Variants in WASHC2C observed in about 807,000 individuals in gnomAD.
The protein encoded by WASHC2C is WASH complex subunit 2C.
Under a neutral mutation model 142.2 loss-of-function variants are expected in WASHC2C, and 73 were observed. The ratio of observed to expected loss-of-function variants is 0.51; its 90% CI spans 0.43 to 0.62. The LOEUF is 0.62. WASHC2C is among the 20% of genes least tolerant of loss of function. WASHC2C has a pLI of 0.00. For synonymous variants in WASHC2C, 337 were observed against 565.5 expected (o/e 0.60, Z 5.73); for missense variants, 969 against 1,531.7 (o/e 0.63, Z 6.13).
intron 8 of WASHC2C, among the ~76,000 whole-genome samples, chr10:45,749,230 T>G (rs1253944073): frequency 6.6e-6 from 1 of 151,802 alleles, no homozygotes; most frequent in Non-Finnish European, 1.5e-5. Flanking sequence ...AGGTCAGGAG[T>G]TCGAGACCAG....
chr10:45,743,435 C>T lies in WASHC2C; in HGVS notation c.574C>T (p.Leu192=), dbSNP rs782173150. The change falls in exon 6 of 31, where the codon CTG becomes TTG. Residue 192 remains leucine, a synonymous_variant. Transcript: ENST00000623400. ...TTTACCATATCTCATTGGGTCAAAG[C>T]TGTTCATGGAACAAGAAGATGTAGG... is the stretch of plus-strand genomic sequence containing the variant. ...RPLPYLIGSK[L]FMEQEDVGLG... 2 of 1,611,836 alleles carry T rather than the reference C, an allele frequency of 1.2e-6. No homozygotes were observed. Among genetic ancestry groups the T allele is most frequent in the East Asian group, 2.2e-5 (1 of 44,864 alleles).
At chr10:45,790,567 T>G in intron 30 of WASHC2C, 34 bp downstream of exon 30, 1 of 1,612,004 alleles carries the variant, frequency 6.2e-7, no homozygotes, top group African/African-American at 1.3e-5. Flanking sequence ...ACCTAGAGAA[T>G]TCTTACCTTT....
At chr10:45,743,179 A>G (rs1444190199) in intron 5 of WASHC2C, among the ~76,000 whole-genome samples, 1 of 151,988 alleles carries the variant, frequency 6.6e-6, no homozygotes, top group South Asian at 2.1e-4. Context: ...GCCCGGCCTT[A>G]CCTTGACATC....
At chr10:45,768,880 C>G (rs182336265) in intron 19 of WASHC2C, among the ~76,000 whole-genome samples, 126 of 151,090 alleles carry the variant, frequency 8.3e-4, no homozygotes, top group Non-Finnish European at 1.4e-3. Flanking sequence ...GCTTGTAATA[C>G]AGTGCAGAAC....
chr10:45,730,398 C>T (rs2050414126), intron 3 of WASHC2C, among the ~76,000 whole-genome samples: 2 of 146,628 alleles, frequency 1.4e-5, no homozygotes, highest in Admixed American at 1.4e-4. Flanking sequence ...TGATTGTTTA[C>T]ACAGAATGTC....
intron 23 of WASHC2C, among the ~76,000 whole-genome samples, chr10:45,783,708 G>C (rs1455801536): frequency 1.3e-5 from 2 of 152,200 alleles, no homozygotes; most frequent in African/African-American, 2.4e-5. Context: ...TAATCCACCC[G>C]CCTTGGCCTC....
chr10:45,735,088 A>C (rs2597029), intron 3 of WASHC2C, among the ~76,000 whole-genome samples: 34,768 of 139,310 alleles, frequency 0.25, 4,756 homozygotes, highest in East Asian at 0.55. Context: ...CTGCTGTTTG[A>C]CAGTATCATA....
At chr10:45,734,386 T>TGTGTATTTTC (rs199719556) in intron 3 of WASHC2C, among the ~76,000 whole-genome samples, 2 of 151,954 alleles carry the variant, frequency 1.3e-5, no homozygotes, top group Admixed American at 1.3e-4. Flanking sequence ...TGTGTGTGTG[T>TGTGTATTTTC]ATTTTCATTT....
intron 17 of WASHC2C, among the ~76,000 whole-genome samples, chr10:45,762,987 G>A (rs1413179502): frequency 1.3e-5 from 2 of 151,436 alleles, no homozygotes; most frequent in Admixed American, 1.3e-4. Context: ...CATTAATTTG[G>A]GAATCTAGCC....
At chr10:45,773,858 T>C (rs543818915) in intron 21 of WASHC2C, among the ~76,000 whole-genome samples, 1 of 93,674 alleles carries the variant, frequency 1.1e-5, no homozygotes, top group Non-Finnish European at 2.0e-5. Context: ...AAACCCAGGG[T>C]GGAGCTTATT....
chr10:45,758,491 C>T (rs1417102449), intron 16 of WASHC2C, among the ~76,000 whole-genome samples: 2 of 152,084 alleles, frequency 1.3e-5, no homozygotes, highest in Non-Finnish European at 2.9e-5. Flanking sequence ...TATTAGTTGG[C>T]ATTCTTCTGA....
chr10:45,752,550 T>C lies in WASHC2C; in HGVS notation c.1004-38T>C, dbSNP rs1554875187. The C allele has an allele frequency of 1.3e-5, 21 of 1,561,442 alleles. 2 individuals carry two copies. The highest frequency in any genetic ancestry group is 1.8e-5 in the Non-Finnish European group (21 of 1,136,270). On this transcript the variant is annotated intron_variant, in intron 11 of 30. Transcript: ENST00000623400. The stretch of plus-strand genomic sequence containing the variant: ...GGGAATTTGAGTTCTGGACCCATCT[T>C]TAATACTCCCTGCAAAACATTGCTT...
intron 3 of WASHC2C, among the ~76,000 whole-genome samples, chr10:45,731,998 G>A (rs1176282722): frequency 1.3e-5 from 2 of 151,768 alleles, no homozygotes; most frequent in African/African-American, 4.8e-5. Context: ...GGGTTTCACC[G>A]TGTTAGCCAG....
chr10:45,780,661 A>G (rs2057422596), intron 23 of WASHC2C, among the ~76,000 whole-genome samples: 1 of 152,244 alleles, frequency 6.6e-6, no homozygotes, highest in South Asian at 2.1e-4. Context: ...ATTAAGATTG[A>G]AGGATGTAAG....
intron 10 of WASHC2C, 90 bp downstream of exon 10, chr10:45,750,928 A>G (rs1269010867): frequency 9.8e-5 from 96 of 976,182 alleles, no homozygotes; most frequent in East Asian, 1.6e-4. Context: ...TCTTTTTATT[A>G]GTAATTACTA....
At chr10:45,772,175 A>G (rs1488207001) in intron 20 of WASHC2C, among the ~76,000 whole-genome samples, 19 of 152,264 alleles carry the variant, frequency 1.2e-4, no homozygotes, top group Non-Finnish European at 2.5e-4. Context: ...TGTTCCATTT[A>G]TATGAAATGT....
intron 23 of WASHC2C, among the ~76,000 whole-genome samples, chr10:45,779,399 C>G (rs1445038580): frequency 6.6e-6 from 1 of 151,116 alleles, no homozygotes; most frequent in South Asian, 2.1e-4. Flanking sequence ...AAACTTTGCC[C>G]CTTGGCCAGT....
intron 23 of WASHC2C, among the ~76,000 whole-genome samples, chr10:45,784,288 A>ATATG (rs2057825812): frequency 1.2e-4 from 1 of 8,606 alleles, no homozygotes; most frequent in Non-Finnish European, 2.6e-4. Flanking sequence ...ATATATATAT[A>ATATG]TACACATATA....
chr10:45,728,959 C>T lies in WASHC2C; in HGVS notation c.224C>T (p.Thr75Ile). The change falls in exon 3 of 31, where the codon ACA becomes ATA. Residue 75 changes from threonine (T) to isoleucine (I), a missense_variant. Coordinates refer to ENST00000623400, the MANE Select transcript of WASHC2C (RefSeq NM_001330074.2). Reference sequence around the variant, plus strand: ...GGACTAATCCGGGAAACCAAAGCCACAGATTGTCGCCTGCATAATGTCTTC... The same window carrying T: ...GGACTAATCCGGGAAACCAAAGCCATAGATTGTCGCCTGCATAATGTCTTC... ...VDGLIRETKA[T>I]DCRLHNVFND... 1 of 1,614,000 alleles carries T rather than the reference C, an allele frequency of 6.2e-7. No individual in the cohort carries two copies. Among genetic ancestry groups the T allele is most frequent in the Non-Finnish European group, 8.5e-7 (1 of 1,179,862 alleles).
Sources: gnomAD v4.1 joint callset for allele counts (sites outside exome capture counted in the v4.1 genomes callset) on GRCh38, gnomAD v4.1.1 for gene constraint, MANE v1.5 for transcripts, NCBI Gene and HGNC (gene_info 2026-07-23, HGNC 2026-07-21) for gene names.